The following ADGRV1 variants were observed in gnomAD, a reference collection of about 807,000 sequenced individuals.
The protein encoded by ADGRV1 is G-protein coupled receptor 98.
A neutral mutation model predicts 596.2 loss-of-function variants in ADGRV1; 359 were observed. That is an observed-to-expected ratio of 0.60 (90% CI 0.55 to 0.66). The LOEUF (loss-of-function observed/expected upper bound fraction) is 0.66. ADGRV1 is among the 30% of genes least tolerant of loss of function. The pLI, the probability that ADGRV1 is intolerant of heterozygous loss-of-function variation, is 0.00. For synonymous variants in ADGRV1, 2,681 were observed against 2,679.2 expected (o/e 1.00, Z -0.02); for missense variants, 7,274 against 7,575.6 (o/e 0.96, Z 1.48).
At chr5:90,893,316 A>G (rs1453206296) in intron 83 of ADGRV1, among the ~76,000 whole-genome samples, 1 of 152,116 alleles carries the variant, frequency 6.6e-6, no homozygotes, top group Non-Finnish European at 1.5e-5. Flanking sequence ...TATGAAAGAG[A>G]GAATGAGCAT....
intron 83 of ADGRV1, among the ~76,000 whole-genome samples, chr5:90,878,132 G>A (rs1159134392): frequency 6.6e-6 from 1 of 152,166 alleles, no homozygotes; most frequent in African/African-American, 2.4e-5. Flanking sequence ...AACAATATAA[G>A]CAATTTCTCC....
chr5:91,099,695 C>T (rs1025442702), intron 86 of ADGRV1, among the ~76,000 whole-genome samples: 13 of 152,086 alleles, frequency 8.5e-5, no homozygotes, highest in African/African-American at 3.1e-4. Flanking sequence ...CACCTGAGTC[C>T]AGGAGTTCAA....
At chr5:90,658,380 A>G in intron 21 of ADGRV1, 102 bp downstream of exon 21, 1 of 1,084,610 alleles carries the variant, frequency 9.2e-7, no homozygotes, top group East Asian at 2.5e-5. Flanking sequence ...TTGCGCATCT[A>G]CTCCAAGTCC....
chr5:90,725,827 A>G (rs553011891), intron 48 of ADGRV1, among the ~76,000 whole-genome samples, 171 bp downstream of exon 48: 1 of 152,344 alleles, frequency 6.6e-6, no homozygotes, highest in African/African-American at 2.4e-5. Context: ...TTTAAATACC[A>G]GAGTCATAAA....
intron 82 of ADGRV1, among the ~76,000 whole-genome samples, chr5:90,857,371 G>T (rs1412767954): frequency 5.9e-5 from 9 of 151,634 alleles, no homozygotes; most frequent in African/African-American, 2.2e-4. Flanking sequence ...TCCCTTGCTT[G>T]TTCCCAAAGA....
At chr5:91,013,957 T>C (rs1782940128) in intron 85 of ADGRV1, among the ~76,000 whole-genome samples, 1 of 151,980 alleles carries the variant, frequency 6.6e-6, no homozygotes, top group South Asian at 2.1e-4. Context: ...ATTTATTGAA[T>C]AGGGAGTCTT....
chr5:90,973,983 T>TA (rs1779311469), intron 84 of ADGRV1, among the ~76,000 whole-genome samples: 1 of 152,244 alleles, frequency 6.6e-6, no homozygotes, highest in African/African-American at 2.4e-5. Context: ...CTCAAGCTGA[T>TA]AAGCAACTTC....
chr5:91,023,405 T>G (rs1783795673), intron 85 of ADGRV1, among the ~76,000 whole-genome samples: 1 of 152,050 alleles, frequency 6.6e-6, no homozygotes, highest in African/African-American at 2.4e-5. Flanking sequence ...GGTGATAAAG[T>G]GGGAATGGAA....
intron 83 of ADGRV1, chr5:90,929,500 TGC>T (rs1435169151): frequency 1.3e-5 from 2 of 152,414 alleles, no homozygotes; most frequent in African/African-American, 2.4e-5. Flanking sequence ...TCGCGCACGG[TGC>T]GCGCACCCAC....
At chr5:91,150,319 G>T in intron 88 of ADGRV1, 98 bp downstream of exon 88, 1 of 942,012 alleles carries the variant, frequency 1.1e-6, no homozygotes. Flanking sequence ...CTCATTGACA[G>T]GCTCTCCACC....
rs2149460387 is a variant in ADGRV1 at position 90,651,747 on chromosome 5, A to G, written c.3416+17A>G. 1 of 1,526,458 alleles carries G rather than the reference A, an allele frequency of 6.6e-7. No individual in the cohort carries two copies. Among genetic ancestry groups the G allele is most frequent in the Non-Finnish European group, 9.0e-7 (1 of 1,106,234 alleles). The allele number at this position is 1,526,458 out of a possible 1,614,324, so 94.6% of individuals were successfully genotyped here. ...TGCATTTTGGTAAGCATATGTAGAT[A>G]AGGCAAGTTTAAAATTGGGTGAAAT... is the stretch of plus-strand genomic sequence containing the variant. On this transcript the variant is annotated intron_variant, in intron 18 of 89. Transcript: ENST00000405460.
chr5:91,143,047 A>G lies in ADGRV1; in HGVS notation c.18433-6983A>G, dbSNP rs528974013. Among the ~76,000 whole-genome samples the G allele has an allele frequency of 1.4e-4, 22 of 152,296 alleles. 1 individual carries two copies. In the South Asian group the frequency reaches 3.7e-3, roughly 26 times the overall value. ...CAAGTATGGGGTCCGGCCACTGCAC[A>G]CAGTGGTGGAGCTGGCAGCTCCAGA... is the stretch of plus-strand genomic sequence containing the variant. On this transcript the variant is annotated intron_variant, in intron 87 of 89. Transcript: ENST00000405460.
chr5:90,769,374 C>A (rs558804099), intron 59 of ADGRV1, among the ~76,000 whole-genome samples: 3 of 152,180 alleles, frequency 2.0e-5, no homozygotes, highest in Non-Finnish European at 4.4e-5. Context: ...TATGTCTTTC[C>A]TCTCTTGTCT....
intron 1 of ADGRV1, among the ~76,000 whole-genome samples, chr5:90,603,468 T>C (rs139161113): frequency 1.3e-3 from 198 of 152,176 alleles, no homozygotes; most frequent in East Asian, 5.0e-3. Flanking sequence ...ATGTGGAGAT[T>C]GAAGGTCTAC....
At chr5:90,948,875 C>A (rs753447514) in intron 83 of ADGRV1, among the ~76,000 whole-genome samples, 39 of 152,078 alleles carry the variant, frequency 2.6e-4, no homozygotes, top group Admixed American at 1.5e-3. Context: ...CACTTTTGCA[C>A]CATCATGAAG....
intron 85 of ADGRV1, among the ~76,000 whole-genome samples, chr5:91,016,329 G>C (rs952789410): frequency 2.6e-5 from 4 of 151,910 alleles, no homozygotes; most frequent in Non-Finnish European, 5.9e-5. Context: ...GAGGGTCCTT[G>C]TTCTTACACA....
chr5:90,609,518 A>ATT (rs35424289), intron 1 of ADGRV1, among the ~76,000 whole-genome samples: 11 of 149,138 alleles, frequency 7.4e-5, no homozygotes, highest in South Asian at 4.2e-4. Flanking sequence ...GGCAAAGATC[A>ATT]TTTTTTTTTT....
intron 20 of ADGRV1, among the ~76,000 whole-genome samples, chr5:90,657,255 C>A (rs1409739429): frequency 6.6e-6 from 1 of 151,006 alleles, no homozygotes; most frequent in Non-Finnish European, 1.5e-5. Flanking sequence ...GACCCTGTCT[C>A]TACAAAAAAA....
At chr5:90,848,509 T>C in intron 78 of ADGRV1, 128 bp from the exon 79 acceptor site, 1 of 416,206 alleles carries the variant, frequency 2.4e-6, no homozygotes, top group Non-Finnish European at 4.0e-6. Flanking sequence ...TTCTCTTAAG[T>C]TTTCATAGGT....
Sources: allele counts gnomAD v4.1 joint callset (sites outside exome capture counted in the v4.1 genomes callset), GRCh38; gene constraint gnomAD v4.1.1; transcripts MANE v1.5; gene names NCBI Gene and HGNC (gene_info 2026-07-23, HGNC 2026-07-21).